The following CLPSL1 variants were observed in gnomAD, a reference collection of about 807,000 sequenced individuals.
The protein encoded by CLPSL1 is colipase like 1.
A neutral mutation model predicts 9.3 loss-of-function variants in CLPSL1; 13 were observed. The observed-to-expected ratio is 1.40, with a 90% CI of 0.91 to 2.22. The LOEUF is 2.22. Among genes scored for constraint, CLPSL1 ranks in the 30% most tolerant of loss-of-function variants. The pLI is 0.00. For missense variants in CLPSL1, 164 were observed against 146.6 expected (o/e 1.12, Z -0.61); for synonymous variants, 58 against 56.9 (o/e 1.02, Z -0.08).
At chr6:35,793,011 G>A (rs116567273), downstream of CLPSL1, among the ~76,000 whole-genome samples, 663 of 152,378 alleles carry the variant, frequency 4.4e-3, 3 homozygotes, top group Non-Finnish European at 8.2e-3. Context: ...GGCCCCAGGA[G>A]AAGGATCTTA....
intron 1 of CLPSL1, among the ~76,000 whole-genome samples, chr6:35,783,650 C>CA (rs1422307759): frequency 1.3e-5 from 2 of 149,520 alleles, no homozygotes; most frequent in South Asian, 2.1e-4. Context: ...ACTAAAAATA[C>CA]AAAAAAAATT....
chr6:35,785,398 C>T (rs1255319659), intron 1 of CLPSL1, among the ~76,000 whole-genome samples: 2 of 151,860 alleles, frequency 1.3e-5, no homozygotes, highest in East Asian at 1.9e-4. Flanking sequence ...AGGATGGTCT[C>T]GATCTCCTGA....
At chr6:35,790,960 C>A (rs1006417994), downstream of CLPSL1, among the ~76,000 whole-genome samples, 3 of 151,938 alleles carry the variant, frequency 2.0e-5, no homozygotes, top group Admixed American at 1.3e-4. Context: ...AGGAGGATCA[C>A]TTGAGCACCA....
At chr6:35,784,054 T>C (rs1768022122) in intron 1 of CLPSL1, among the ~76,000 whole-genome samples, 2 of 152,174 alleles carry the variant, frequency 1.3e-5, no homozygotes, top group Admixed American at 1.3e-4. Context: ...CTTGCTTTTT[T>C]TTTGTTTTTT....
downstream of CLPSL1, among the ~76,000 whole-genome samples, chr6:35,790,675 C>T (rs115849572): frequency 2.4e-3 from 373 of 152,338 alleles, 1 homozygote; most frequent in African/African-American, 8.5e-3. Flanking sequence ...ATTATAGTTT[C>T]GTGACCTGAC....
At chr6:35,791,674 T>C (rs1173925787), downstream of CLPSL1, among the ~76,000 whole-genome samples, 1 of 152,144 alleles carries the variant, frequency 6.6e-6, no homozygotes, top group Non-Finnish European at 1.5e-5. Flanking sequence ...CTTGTGCCTG[T>C]AATCCCAGCA....
chr6:35,787,019 C>G lies in CLPSL1; in HGVS notation c.121C>G (p.Arg41Gly). The G allele has an allele frequency of 6.3e-7, 1 of 1,587,064 alleles. No individual in the cohort carries two copies. Among genetic ancestry groups the G allele is most frequent in the Non-Finnish European group, 8.6e-7 (1 of 1,168,590 alleles). Residue 41 changes from arginine (R) to glycine (G), a missense_variant, in exon 2 of 3, where the codon CGG (arginine) becomes GGG (glycine). Coordinates refer to ENST00000373861, the MANE Select transcript of CLPSL1 (RefSeq NM_001010886.5). Reference sequence around the variant, plus strand: ...GCAGGAGCTCAAGGAGTCTTGCATCCGGAACCAGGACTGCGAGACTGGCTG... The same window carrying G: ...GCAGGAGCTCAAGGAGTCTTGCATCGGGAACCAGGACTGCGAGACTGGCTG... ...NLLELKESCI[R>G]NQDCETGCCQ...
downstream of CLPSL1, among the ~76,000 whole-genome samples, chr6:35,788,497 G>A (rs796520207): frequency 2.0e-5 from 3 of 152,386 alleles, no homozygotes; most frequent in African/African-American, 7.2e-5. Context: ...GCACTTACTA[G>A]ATGTTAGGGG....
chr6:35,785,178 T>TA (rs1768044271), intron 1 of CLPSL1, among the ~76,000 whole-genome samples: 1 of 147,130 alleles, frequency 6.8e-6, no homozygotes, highest in Non-Finnish European at 1.5e-5. Context: ...CTGGAAATTT[T>TA]TTTTTTTTTT....
At chr6:35,790,224 T>G (rs1362094335), downstream of CLPSL1, among the ~76,000 whole-genome samples, 7 of 152,266 alleles carry the variant, frequency 4.6e-5, no homozygotes, top group Non-Finnish European at 8.8e-5. Flanking sequence ...TGAGCCACTG[T>G]GCCCGGCTGA....
downstream of CLPSL1, among the ~76,000 whole-genome samples, chr6:35,793,008 G>A (rs1282161693): frequency 1.3e-5 from 2 of 152,260 alleles, no homozygotes; most frequent in Non-Finnish European, 2.9e-5. Context: ...CCTGGCCCCA[G>A]GAGAAGGATC....
chr6:35,790,318 C>T (rs915125602), downstream of CLPSL1, among the ~76,000 whole-genome samples: 3 of 152,278 alleles, frequency 2.0e-5, no homozygotes, highest in South Asian at 2.1e-4. Flanking sequence ...TTTTAATAAA[C>T]GTTTTTAGCC....
chr6:35,789,181 G>C (rs1030631869), downstream of CLPSL1, among the ~76,000 whole-genome samples: 2 of 152,276 alleles, frequency 1.3e-5, no homozygotes, highest in African/African-American at 4.8e-5. Flanking sequence ...AGGAGAGGTG[G>C]CAGGCTGGAA....
downstream of CLPSL1, among the ~76,000 whole-genome samples, chr6:35,791,043 T>TC (rs1359935715): frequency 1.6e-5 from 2 of 122,560 alleles, no homozygotes; most frequent in African/African-American, 6.9e-5. Context: ...AGACTCTGTC[T>TC]CAAAAAAAAA....
chr6:35,788,718 T>C (rs1311732886), downstream of CLPSL1, among the ~76,000 whole-genome samples: 3 of 152,302 alleles, frequency 2.0e-5, no homozygotes, highest in African/African-American at 7.2e-5. Flanking sequence ...AAGGAGAGCC[T>C]AGGAAAGAGT....
Position 35,787,186 on chromosome 6 carries a change from G to C in CLPSL1, c.222+66G>C, listed in dbSNP as rs1768099948. 7 of 1,558,384 alleles carry C rather than the reference G, an allele frequency of 4.5e-6. No homozygotes were observed. The South Asian group carries it at 5.7e-5, about 13-fold the overall frequency. Reference sequence around the variant, plus strand: ...GGAAGTGGGAGCCAGGGCGGGCCCAGATTCCTGGGGAGGAAAGAAGGGTAG... The same window carrying C: ...GGAAGTGGGAGCCAGGGCGGGCCCACATTCCTGGGGAGGAAAGAAGGGTAG... On this transcript the variant is annotated intron_variant, in intron 2 of 2. Transcript: ENST00000373861.
downstream of CLPSL1, among the ~76,000 whole-genome samples, chr6:35,791,615 AAAAAAAG>A (rs935074457): frequency 2.6e-5 from 4 of 152,204 alleles, no homozygotes; most frequent in African/African-American, 9.6e-5. Context: ...CTCCAAAAAA[AAAAAAAG>A]AAAAAGAAAA....
At chr6:35,793,286 G>A (rs374528678) in intron 1 of CLPSL1, among the ~76,000 whole-genome samples, 29 of 152,358 alleles carry the variant, frequency 1.9e-4, no homozygotes, top group East Asian at 9.6e-4. Flanking sequence ...TCAGCCAGGC[G>A]TGGTGGCAGG....
chr6:35,782,854 G>A (rs1039318820), intron 1 of CLPSL1, among the ~76,000 whole-genome samples: 1 of 152,156 alleles, frequency 6.6e-6, no homozygotes, highest in African/African-American at 2.4e-5. Context: ...CAGGGAGGCC[G>A]GGAGGCGGCT....
Sources: allele counts gnomAD v4.1 joint callset (sites outside exome capture counted in the v4.1 genomes callset), GRCh38; gene constraint gnomAD v4.1.1; transcripts MANE v1.5; gene names NCBI Gene and HGNC (gene_info 2026-07-23, HGNC 2026-07-21).